KANSL1L: variants seen among roughly 807,000 people sequenced by gnomAD.
The protein encoded by KANSL1L is KAT8 regulatory NSL complex subunit 1-like protein.
A neutral mutation model predicts 108.6 loss-of-function variants in KANSL1L; 25 were observed. The observed-to-expected ratio is 0.23, with a 90% CI of 0.17 to 0.32. The LOEUF (loss-of-function observed/expected upper bound fraction) is 0.32. Among genes scored for constraint, KANSL1L ranks in the 10% least tolerant of loss-of-function variants. The pLI is 1.00. For synonymous variants in KANSL1L, 405 were observed against 395.1 expected, an observed-to-expected ratio of 1.03 and a Z score of -0.30; for missense variants, 1,137 against 1,125.7, an observed-to-expected ratio of 1.01 and a Z score of -0.14.
intron 1 of KANSL1L, among the ~76,000 whole-genome samples, chr2:210,155,788 T>C (rs2095330003): frequency 6.6e-6 from 1 of 152,246 alleles, no homozygotes; most frequent in African/African-American, 2.4e-5. Context: ...AGATACCTAG[T>C]ATTTTGTAAC....
chr2:210,057,984 T>C (rs1299368836), intron 6 of KANSL1L, among the ~76,000 whole-genome samples: 11 of 152,090 alleles, frequency 7.2e-5, no homozygotes, highest in Non-Finnish European at 4.4e-5. Context: ...GAAATCTGGG[T>C]ACCTTGAAAA....
At chr2:210,089,294 T>G (rs561585508) in intron 5 of KANSL1L, among the ~76,000 whole-genome samples, 2 of 152,304 alleles carry the variant, frequency 1.3e-5, no homozygotes, top group African/African-American at 4.8e-5. Flanking sequence ...TAAGACACAT[T>G]GAGTACAGTA....
chr2:210,075,078 C>G (rs1416651925), intron 6 of KANSL1L, among the ~76,000 whole-genome samples: 2 of 152,062 alleles, frequency 1.3e-5, no homozygotes, highest in South Asian at 4.1e-4. Context: ...TGCTTATGTT[C>G]TAGAAGAAGG....
At position 210,154,220 on chromosome 2, in the gene KANSL1L, G is replaced by C; in HGVS notation, c.363C>G (p.Leu121=). 6.2e-7 allele frequency: 1 copy of C among 1,613,942 alleles called. No homozygotes were observed. ...CAGAATGAGAAAGACAGATTTTACT[G>C]AGCTGAATGTTGCTGCCATTATACA... The part of the protein sequence containing the change: ...NILYNGSNIQ[L]SKICLSHSEE... The change falls in exon 2 of 15, where the codon CTC becomes CTG. Residue 121 remains leucine, a synonymous_variant. Coordinates refer to ENST00000281772, the MANE Select transcript of KANSL1L (RefSeq NM_152519.4).
intron 6 of KANSL1L, among the ~76,000 whole-genome samples, chr2:210,045,129 A>G (rs1221538263): frequency 6.6e-6 from 1 of 152,198 alleles, no homozygotes; most frequent in Non-Finnish European, 1.5e-5. Flanking sequence ...TAATCCTGCT[A>G]GGAGTTTATC....
intron 6 of KANSL1L, among the ~76,000 whole-genome samples, chr2:210,064,549 C>T (rs562803107): frequency 6.6e-6 from 1 of 152,142 alleles, no homozygotes; most frequent in Non-Finnish European, 1.5e-5. Context: ...GTGGCTCATA[C>T]CTGTAATCCT....
chr2:210,079,642 A>ATGTG lies in KANSL1L; in HGVS notation c.1551-3887_1551-3886insCACA, dbSNP rs1247375426. Among the ~76,000 whole-genome samples the ATGTG allele has an allele frequency of 4.9e-3, 32 of 6,474 alleles. 2 individuals are homozygous for ATGTG. Among genetic ancestry groups the ATGTG allele is most frequent in the East Asian group, 0.04 (2 of 50 alleles). 4.2% of individuals were successfully genotyped at this position (6,474 alleles called of 152,430 possible). On this transcript the variant is annotated intron_variant, in intron 5 of 14. Coordinates refer to ENST00000281772, the MANE Select transcript of KANSL1L (RefSeq NM_152519.4). ...TATATATATATATATATATATATAT[A>ATGTG]TATATATATATATATATATATATGT...
At chr2:210,169,800 A>ATAT (rs1312005851) in intron 1 of KANSL1L, among the ~76,000 whole-genome samples, 1 of 152,230 alleles carries the variant, frequency 6.6e-6, no homozygotes, top group Non-Finnish European at 1.5e-5. Context: ...ATACTCAAAT[A>ATAT]TATTCTATTT....
chr2:210,080,967 C>T (rs1423601453), intron 5 of KANSL1L, among the ~76,000 whole-genome samples: 6 of 151,730 alleles, frequency 4.0e-5, no homozygotes, highest in Admixed American at 6.6e-5. Flanking sequence ...ATCAGCCAGG[C>T]GTGGTGGTGC....
At chr2:210,155,828 A>T (rs1258824348) in intron 1 of KANSL1L, among the ~76,000 whole-genome samples, 1 of 152,198 alleles carries the variant, frequency 6.6e-6, no homozygotes, top group Non-Finnish European at 1.5e-5. Flanking sequence ...GTTTCAACAC[A>T]TAATAGTTGA....
chr2:210,080,998 T>C (rs959346673), intron 5 of KANSL1L, among the ~76,000 whole-genome samples: 3 of 151,960 alleles, frequency 2.0e-5, no homozygotes, highest in Non-Finnish European at 4.4e-5. Flanking sequence ...TCCCAGCTAC[T>C]TGGGAGCCTG....
upstream of KANSL1L, among the ~76,000 whole-genome samples, chr2:210,172,159 C>G (rs1180319310): frequency 6.6e-6 from 1 of 152,160 alleles, no homozygotes; most frequent in African/African-American, 2.4e-5. Context: ...CGTCTTGCAC[C>G]TGGCCCCGCG....
intron 13 of KANSL1L, 46 bp from the exon 14 acceptor site, chr2:210,024,247 G>T (rs567640164): frequency 7.5e-6 from 11 of 1,465,906 alleles, no homozygotes; most frequent in Non-Finnish European, 1.0e-5. Context: ...ATTTTTTGAG[G>T]TCTTGAAAAT....
chr2:210,068,336 A>G (rs1296027904), intron 6 of KANSL1L, among the ~76,000 whole-genome samples: 2 of 152,046 alleles, frequency 1.3e-5, no homozygotes, highest in East Asian at 3.8e-4. Context: ...ACATATATTC[A>G]GGATATAAAA....
intron 5 of KANSL1L, among the ~76,000 whole-genome samples, chr2:210,090,003 C>G (rs1044832594): frequency 6.6e-6 from 1 of 152,126 alleles, no homozygotes; most frequent in Admixed American, 6.6e-5. Context: ...AAATCCTTAT[C>G]CTAATTCAGG....
chr2:210,058,784 C>T (rs1159184212), intron 6 of KANSL1L, among the ~76,000 whole-genome samples: 7 of 148,102 alleles, frequency 4.7e-5, no homozygotes, highest in Admixed American at 2.7e-4. Flanking sequence ...TTGCAGTGAG[C>T]TGAGATCGCG....
intron 2 of KANSL1L, among the ~76,000 whole-genome samples, chr2:210,133,453 T>C (rs1178867251): frequency 6.6e-6 from 1 of 152,136 alleles, no homozygotes; most frequent in Non-Finnish European, 1.5e-5. Flanking sequence ...AGAACATCTA[T>C]AGTGATATTT....
Position 210,021,550 on chromosome 2 carries a change from A to C in KANSL1L, c.*1399T>G, listed in dbSNP as rs2093855782. 6.6e-6 allele frequency: 1 copy of C among 152,562 alleles called. No individual in the cohort carries two copies. Among genetic ancestry groups the C allele is most frequent in the Non-Finnish European group, 1.5e-5 (1 of 67,976 alleles). The allele number at this position is 152,562 out of a possible 1,614,324, so 9.5% of individuals were successfully genotyped here. On this transcript the variant is annotated 3_prime_UTR_variant, in exon 15 of 15. Coordinates refer to ENST00000281772, the MANE Select transcript of KANSL1L (RefSeq NM_152519.4). ...TTTTGTTTTCTTTTTCTTTAAAAAT[A>C]AATGTACAGTAAAACTACAAGCAAA... is the stretch of plus-strand genomic sequence containing the variant.
chr2:210,062,148 A>G (rs572449711), intron 6 of KANSL1L, among the ~76,000 whole-genome samples: 2 of 152,270 alleles, frequency 1.3e-5, no homozygotes, highest in Admixed American at 1.3e-4. Flanking sequence ...TAATCGAATC[A>G]TGGGGGTGGG....
Sources: allele counts gnomAD v4.1 joint callset (sites outside exome capture counted in the v4.1 genomes callset), GRCh38; gene constraint gnomAD v4.1.1; transcripts MANE v1.5; gene names NCBI Gene and HGNC (gene_info 2026-07-23, HGNC 2026-07-21).